Variants in SUMF1 observed in about 807,000 individuals in gnomAD.
The protein encoded by SUMF1 is formylglycine-generating enzyme.
In SUMF1, 48 loss-of-function variants were observed where a neutral mutation model predicts 47.6. That is an observed-to-expected ratio of 1.01 (90% CI 0.80 to 1.28). The LOEUF is 1.28. Ranked by LOEUF, SUMF1 falls within the 50% of genes most tolerant of loss-of-function variation. The pLI, the probability that SUMF1 is intolerant of heterozygous loss-of-function variation, is 0.00. For missense variants in SUMF1, 571 were observed against 485.4 expected, an observed-to-expected ratio of 1.18 and a Z score of -1.66; for synonymous variants, 230 against 192.1, an observed-to-expected ratio of 1.20 and a Z score of -1.63.
intron 7 of SUMF1, among the ~76,000 whole-genome samples, chr3:4,405,534 G>C (rs942716651): frequency 1.3e-5 from 2 of 152,160 alleles, no homozygotes; most frequent in Non-Finnish European, 2.9e-5. Flanking sequence ...CTACAGGCAT[G>C]TGCCACCATG....
At chr3:4,382,558 T>A (rs962341796) in intron 7 of SUMF1, among the ~76,000 whole-genome samples, 1 of 152,084 alleles carries the variant, frequency 6.6e-6, no homozygotes, top group Non-Finnish European at 1.5e-5. Flanking sequence ...GACCCAGCAA[T>A]CCCATTATTG....
intron 8 of SUMF1, among the ~76,000 whole-genome samples, chr3:4,144,938 G>C (rs1392855231): frequency 1.1e-4 from 17 of 152,030 alleles, no homozygotes; most frequent in Non-Finnish European, 2.5e-4. Context: ...GGTGGCTCAC[G>C]CCTGTAATCC....
intron 8 of SUMF1, among the ~76,000 whole-genome samples, chr3:4,140,080 T>A (rs1694039001): frequency 6.6e-6 from 1 of 152,020 alleles, no homozygotes; most frequent in African/African-American, 2.4e-5. Flanking sequence ...AACTCAAAAC[T>A]CTTGGCTCTC....
At chr3:4,281,348 A>T (rs1473403531) in intron 8 of SUMF1, among the ~76,000 whole-genome samples, 1 of 151,944 alleles carries the variant, frequency 6.6e-6, no homozygotes, top group East Asian at 1.9e-4. Context: ...TTTCACTGTG[A>T]GAGAGAGAGA....
chr3:4,123,293 A>G (rs1693585087), intron 8 of SUMF1, among the ~76,000 whole-genome samples: 3 of 152,148 alleles, frequency 2.0e-5, no homozygotes, highest in Admixed American at 2.0e-4. Context: ...AGCAGAAGCT[A>G]GTTTACTAAT....
rs1559281668 is a variant in SUMF1, at chr3:4,410,876, TTTC to T, written c.940_942del (p.Glu314del). 1 of 1,613,920 alleles carries T rather than the reference TTTC, an allele frequency of 6.2e-7. No homozygotes were observed. Among genetic ancestry groups the T allele is most frequent in the South Asian group, 1.1e-5 (1 of 91,076 alleles). ...TGAATAATACTCACTGGGTTAAGCG[TTTC>T]TTCAACAGAATGATGAACAGTCCAC... On this transcript the variant is annotated inframe_deletion, in exon 7 of 9. Coordinates refer to ENST00000272902, the MANE Select transcript of SUMF1 (RefSeq NM_182760.4).
At chr3:4,356,320 A>G (rs969394752), downstream of SUMF1, among the ~76,000 whole-genome samples, 1 of 152,260 alleles carries the variant, frequency 6.6e-6, no homozygotes, top group African/African-American at 2.4e-5. Flanking sequence ...CTCTGATACT[A>G]ATCTGCAAAC....
chr3:4,432,952 T>C (rs1038463794), intron 3 of SUMF1, among the ~76,000 whole-genome samples: 1 of 152,214 alleles, frequency 6.6e-6, no homozygotes, highest in Non-Finnish European at 1.5e-5. Flanking sequence ...CTCTTCCGCA[T>C]AAACATCAAT....
intron 8 of SUMF1, among the ~76,000 whole-genome samples, chr3:4,111,745 C>A (rs893065994): frequency 2.6e-5 from 4 of 151,868 alleles, no homozygotes; most frequent in East Asian, 1.9e-4. Context: ...CTAAAAAAAA[C>A]CCAAAAAAAC....
At chr3:4,080,507 T>G (rs1692536355) in intron 8 of SUMF1, among the ~76,000 whole-genome samples, 1 of 152,132 alleles carries the variant, frequency 6.6e-6, no homozygotes, top group African/African-American at 2.4e-5. Context: ...GAACCCTGCT[T>G]CAAAATCTGA....
At chr3:4,396,365 TAA>T (rs368895046) in intron 7 of SUMF1, among the ~76,000 whole-genome samples, 18 of 152,118 alleles carry the variant, frequency 1.2e-4, no homozygotes, top group African/African-American at 4.3e-4. Context: ...AAGCACACAA[TAA>T]AAAGTCTTAC....
chr3:4,133,415 T>C (rs1693839601), intron 8 of SUMF1, among the ~76,000 whole-genome samples: 1 of 152,108 alleles, frequency 6.6e-6, no homozygotes, highest in African/African-American at 2.4e-5. Context: ...GGGGTGAACT[T>C]GTGATAGTTA....
intron 8 of SUMF1, among the ~76,000 whole-genome samples, chr3:4,368,680 A>C (rs1700067143): frequency 6.6e-6 from 1 of 152,196 alleles, no homozygotes; most frequent in Non-Finnish European, 1.5e-5. Context: ...CCCACTGCCC[A>C]ATACACAAGC....
intron 8 of SUMF1, among the ~76,000 whole-genome samples, chr3:4,366,331 TC>T (rs1191697716): frequency 1.3e-5 from 2 of 152,216 alleles, no homozygotes; most frequent in African/African-American, 4.8e-5. Context: ...GGTTCCATTC[TC>T]CCCGTCACTT....
At chr3:4,430,605 G>T (rs758117045) in intron 3 of SUMF1, among the ~76,000 whole-genome samples, 1 of 142,436 alleles carries the variant, frequency 7.0e-6, no homozygotes, top group Non-Finnish European at 1.6e-5. Flanking sequence ...TACGCATTCC[G>T]CAAATACTTG....
intron 8 of SUMF1, among the ~76,000 whole-genome samples, chr3:4,073,544 T>C (rs1035636300): frequency 2.6e-5 from 4 of 152,012 alleles, no homozygotes; most frequent in Admixed American, 1.3e-4. Context: ...GACTGGCAAA[T>C]TGGATAAAGA....
intron 8 of SUMF1, among the ~76,000 whole-genome samples, chr3:4,320,467 A>G (rs1326110958): frequency 6.6e-6 from 1 of 152,204 alleles, no homozygotes; most frequent in Admixed American, 6.5e-5. Context: ...AATTACATAC[A>G]TGCAAATGGA....
intron 8 of SUMF1, among the ~76,000 whole-genome samples, chr3:4,195,143 TAAC>T (rs918166585): frequency 5.9e-5 from 9 of 152,156 alleles, no homozygotes; most frequent in African/African-American, 2.2e-4. Flanking sequence ...TTAGGAATAA[TAAC>T]AAGTCATTAA....
intron 3 of SUMF1, among the ~76,000 whole-genome samples, chr3:4,443,869 C>G (rs191591592): frequency 1.4e-3 from 219 of 151,600 alleles, no homozygotes; most frequent in African/African-American, 4.5e-3. Flanking sequence ...ATAAGAAGTT[C>G]CTAAAGAATA....
Sources: gnomAD v4.1 joint callset for allele counts (sites outside exome capture counted in the v4.1 genomes callset) on GRCh38, gnomAD v4.1.1 for gene constraint, MANE v1.5 for transcripts, NCBI Gene and HGNC (gene_info 2026-07-23, HGNC 2026-07-21) for gene names.